Variants in SLC35A3 observed in about 807,000 individuals in gnomAD.
The protein encoded by SLC35A3 is solute carrier family 35 member A3.
SLC35A3 carries 26 observed loss-of-function variants against 39.0 expected under a neutral mutation model. The ratio of observed to expected loss-of-function variants is 0.67; its 90% CI spans 0.49 to 0.92. SLC35A3 has a LOEUF of 0.92. SLC35A3 is among the 40% of genes least tolerant of loss of function. The pLI is 0.00. For synonymous variants in SLC35A3, 135 were observed against 133.1 expected, an observed-to-expected ratio of 1.01 and a Z score of -0.10; for missense variants, 299 against 371.6, an observed-to-expected ratio of 0.80 and a Z score of 1.61.
intron 2 of SLC35A3, 89 bp downstream of exon 2, chr1:99,993,830 T>A: frequency 4.4e-6 from 5 of 1,137,756 alleles, no homozygotes; most frequent in Non-Finnish European, 6.4e-6. Flanking sequence ...ACTCTTGCAT[T>A]GTCGAATGGC....
rs531139414 is a variant in SLC35A3 at position 99,970,064 on chromosome 1, C to G, written c.-117C>G. On this transcript the variant is annotated 5_prime_UTR_variant, in exon 1 of 8. Transcript: ENST00000533028. ...GGGAGCCGGCGGCGCTGCGGGTCAG[C>G]GGTCGCGTAGGACCCAGCGGACTCG... 1.3e-5 allele frequency: 2 copies of G among 153,174 alleles called. No individual in the cohort carries two copies. The highest frequency in any genetic ancestry group is 4.8e-5 in the African/African-American group (2 of 41,606). 9.5% of individuals were successfully genotyped at this position (153,174 alleles called of 1,614,324 possible).
intron 1 of SLC35A3, among the ~76,000 whole-genome samples, chr1:99,977,521 G>A (rs1657183995): frequency 7.6e-6 from 1 of 132,070 alleles, no homozygotes; most frequent in Non-Finnish European, 1.6e-5. Context: ...CAGCTTGGGC[G>A]ACAAGAGTGA....
intron 1 of SLC35A3, chr1:99,992,955 GA>G (rs1658173919): frequency 6.6e-6 from 1 of 152,430 alleles, no homozygotes; most frequent in African/African-American, 2.4e-5. Context: ...CCCCTAGTGG[GA>G]GGGGGAAGGG....
intron 2 of SLC35A3, among the ~76,000 whole-genome samples, chr1:99,999,018 T>G (rs1435524261): frequency 6.6e-6 from 1 of 152,186 alleles, no homozygotes; most frequent in Non-Finnish European, 1.5e-5. Context: ...TATATACATA[T>G]ATGTAGATAT....
At chr1:99,972,331 C>CAA (rs1656862859) in intron 1 of SLC35A3, among the ~76,000 whole-genome samples, 2 of 132,016 alleles carry the variant, frequency 1.5e-5, no homozygotes, top group Non-Finnish European at 3.2e-5. Context: ...GTACTTACTA[C>CAA]TTTTTTTTTT....
Position 99,970,650 on chromosome 1 carries a change from G to A in SLC35A3, c.-19+488G>A, listed in dbSNP as rs1164453081. On this transcript the variant is annotated intron_variant, in intron 1 of 7. Coordinates refer to ENST00000533028, the MANE Select transcript of SLC35A3 (RefSeq NM_012243.3). ...AAATGGAAAGGCTGCCCTTGGTAAG[G>A]CTAGTAAGAACACAAGGACTGTTTG... 2.6e-6 allele frequency: 4 copies of A among 1,532,922 alleles called. No individual in the cohort carries two copies. In the African/African-American group the frequency reaches 5.5e-5, roughly 21 times the overall value. 95.0% of individuals were successfully genotyped at this position (1,532,922 alleles called of 1,614,324 possible). A position where few individuals can be genotyped will look rare whatever the true frequency, so the allele number is the denominator to read the frequency against.
At chr1:99,985,510 G>C (rs1350801658) in intron 1 of SLC35A3, among the ~76,000 whole-genome samples, 3 of 152,170 alleles carry the variant, frequency 2.0e-5, no homozygotes, top group African/African-American at 7.2e-5. Flanking sequence ...GATACCTCCA[G>C]ATTTGTTCTT....
intron 4 of SLC35A3, among the ~76,000 whole-genome samples, chr1:100,010,909 C>G (rs1402082303): frequency 6.6e-6 from 1 of 152,130 alleles, no homozygotes; most frequent in Non-Finnish European, 1.5e-5. Context: ...GATGGACTGT[C>G]TTTTCCTGAC....
At chr1:99,979,194 CA>C (rs1657296920) in intron 1 of SLC35A3, 1 of 152,118 alleles carries the variant, frequency 6.6e-6, no homozygotes, top group African/African-American at 2.4e-5. Flanking sequence ...TTCTGGAGAC[CA>C]GAAATCCAAA....
At chr1:99,972,988 T>C (rs960983925) in intron 1 of SLC35A3, among the ~76,000 whole-genome samples, 1 of 152,348 alleles carries the variant, frequency 6.6e-6, no homozygotes, top group South Asian at 2.1e-4. Context: ...GAAATTGATA[T>C]AATTTGTGTC....
At chr1:100,008,784 C>T (rs1659419233) in intron 4 of SLC35A3, 2 of 152,196 alleles carry the variant, frequency 1.3e-5, no homozygotes, top group African/African-American at 4.8e-5. Context: ...TCTGTACCAC[C>T]ATAGTACTTT....
chr1:100,018,982 G>T (rs535270415), intron 7 of SLC35A3, among the ~76,000 whole-genome samples: 34 of 152,240 alleles, frequency 2.2e-4, no homozygotes, highest in Non-Finnish European at 4.0e-4. Flanking sequence ...TTTCAGCTTG[G>T]TATGGAAATG....
rs1429184922 is a variant in SLC35A3 at position 100,028,840 on chromosome 1, T to TA, written c.*6365dup. 2 of 152,232 alleles carry TA rather than the reference T, an allele frequency of 1.3e-5. No homozygotes were observed. The highest frequency in any genetic ancestry group is 4.8e-5 in the African/African-American group (2 of 41,452). The allele number at this position is 152,232 out of a possible 1,614,324, so 9.4% of individuals were successfully genotyped here. On this transcript the variant is annotated 3_prime_UTR_variant, in exon 8 of 8. Coordinates refer to ENST00000533028, the MANE Select transcript of SLC35A3 (RefSeq NM_012243.3). ...CAGTTCTGGCTAGAAAGAGAAAACT[T>TA]ACTAAAAGCTATTATACTCACAGTC...
At position 100,022,528 on chromosome 1, in the gene SLC35A3, C is replaced by T. The variant is rs768273471; in HGVS notation, c.*52C>T. On this transcript the variant is annotated 3_prime_UTR_variant, in exon 8 of 8. Transcript: ENST00000533028. The stretch of plus-strand genomic sequence containing the variant: ...CACGATGGGGCACTAGGAATCTCGA[C>T]ATTAATCTTGCACAGAGGACTTCTA... 7 of 935,592 alleles carry T rather than the reference C, an allele frequency of 7.5e-6. No individual in the cohort carries two copies. Among genetic ancestry groups the T allele is most frequent in the Non-Finnish European group, 1.2e-5 (7 of 583,932 alleles). 58.0% of individuals were successfully genotyped at this position (935,592 alleles called of 1,614,324 possible).
At position 100,011,534 on chromosome 1, in the gene SLC35A3, G is replaced by C; in HGVS notation, c.634+1G>C. ...GTGTGGATAAGAAATATTCAGCTTG[G>C]TAAGTTTTAAATGTTTTCTAATATT... On this transcript the variant is annotated splice_donor_variant, in intron 5 of 7. Coordinates refer to ENST00000533028, the MANE Select transcript of SLC35A3 (RefSeq NM_012243.3). LOFTEE classifies it high-confidence loss of function. 1 of 1,301,944 alleles carries C rather than the reference G, an allele frequency of 7.7e-7. No homozygotes were observed. Among genetic ancestry groups the C allele is most frequent in the Non-Finnish European group, 1.0e-6 (1 of 956,596 alleles). The allele number at this position is 1,301,944 out of a possible 1,614,324, so 80.6% of individuals were successfully genotyped here.
intron 6 of SLC35A3, among the ~76,000 whole-genome samples, chr1:100,017,456 T>C (rs548137103): frequency 5.3e-4 from 80 of 152,324 alleles, no homozygotes; most frequent in African/African-American, 1.9e-3. Flanking sequence ...TATAACACAC[T>C]GCAGATTGTC....
At chr1:99,989,404 C>G (rs182280785) in intron 1 of SLC35A3, among the ~76,000 whole-genome samples, 1 of 152,124 alleles carries the variant, frequency 6.6e-6, no homozygotes, top group Non-Finnish European at 1.5e-5. Flanking sequence ...CTGCCTCAGC[C>G]TCCTGAGTAG....
chr1:100,025,194 C>T lies in SLC35A3; in HGVS notation c.*2718C>T, dbSNP rs1180327359. 1 of 152,350 alleles carries T rather than the reference C, an allele frequency of 6.6e-6. No homozygotes were observed. Among genetic ancestry groups the T allele is most frequent in the Non-Finnish European group, 1.5e-5 (1 of 68,152 alleles). The allele number at this position is 152,350 out of a possible 1,614,324, so 9.4% of individuals were successfully genotyped here. A position where few individuals can be genotyped will look rare whatever the true frequency, so the allele number is the denominator to read the frequency against. ...ATATTTAGACTTACATTATTACTTA[C>T]TGCTAAGTAAAATCTAAATCCTGCA... On this transcript the variant is annotated 3_prime_UTR_variant, in exon 8 of 8. Transcript: ENST00000533028.
At chr1:100,003,240 A>T (rs1030256408) in intron 3 of SLC35A3, among the ~76,000 whole-genome samples, 3 of 151,956 alleles carry the variant, frequency 2.0e-5, no homozygotes, top group Non-Finnish European at 4.4e-5. Flanking sequence ...ACATGGTGAA[A>T]CACTGTCTCT....
Sources: gnomAD v4.1 joint callset for allele counts (sites outside exome capture counted in the v4.1 genomes callset) on GRCh38, gnomAD v4.1.1 for gene constraint, MANE v1.5 for transcripts, NCBI Gene and HGNC (gene_info 2026-07-23, HGNC 2026-07-21) for gene names.